Variants in CD36 observed in about 807,000 individuals in gnomAD.
The protein encoded by CD36 is platelet glycoprotein 4.
In CD36, 119 loss-of-function variants were observed where a neutral mutation model predicts 55.2. That is an observed-to-expected ratio of 2.15 (90% CI 1.86 to 2.51). The LOEUF (loss-of-function observed/expected upper bound fraction) is 2.51, where lower values mean the gene tolerates loss of function less well. Among genes scored for constraint, CD36 ranks in the 30% most tolerant of loss-of-function variants. The probability of loss-of-function intolerance (pLI) is 0.00; values close to 1 mark genes in which losing one functional copy is unlikely to be tolerated. For missense variants in CD36, 819 were observed against 555.5 expected (o/e 1.47, Z -4.77); for synonymous variants, 186 against 193.6 (o/e 0.96, Z 0.33).
intron 1 of CD36, among the ~76,000 whole-genome samples, chr7:80,612,405 A>T (rs1212051614): frequency 6.6e-6 from 1 of 152,240 alleles, no homozygotes; most frequent in Non-Finnish European, 1.5e-5. Flanking sequence ...AAATGAAAAA[A>T]TTATGCCTTT....
At chr7:80,649,274 C>A (rs1795417733) in intron 3 of CD36, among the ~76,000 whole-genome samples, 2 of 152,036 alleles carry the variant, frequency 1.3e-5, no homozygotes, top group African/African-American at 4.8e-5. Flanking sequence ...TGTAAGCAAT[C>A]TGTAGGAAGA....
chr7:80,673,668 AT>A, intron 13 of CD36: 1 of 559,874 alleles, frequency 1.8e-6, no homozygotes, highest in Non-Finnish European at 3.2e-6. Flanking sequence ...CTGACAAGGT[AT>A]TTTTACTATA....
chr7:80,615,078 ACAAACTGCAAGCACATTCCCGTTAATC>A (rs1405070111), intron 1 of CD36, among the ~76,000 whole-genome samples: 1 of 152,086 alleles, frequency 6.6e-6, no homozygotes, highest in Non-Finnish European at 1.5e-5. Flanking sequence ...GGCTGCCACT[ACAAACTGCAAGCACATTCCCGTTAATC>A]CAAACTCTGC....
In CD36 at chr7:80,646,800, TG is replaced by T. The variant is rs1226346374; in HGVS notation, c.61del (p.Val21CysfsTer6). ...GGGCTGTCATTGGTGCTGTCCTGGC[TG>T]TGTTTGGAGGTATTCTAATGCCAGT... is the stretch of plus-strand genomic sequence containing the variant. Reference protein sequence around the residue: ...AGAVIGAVLAVFGGILMPVGD... With the variant: ...AGAVIGAVLAXFGGILMPVGD... On this transcript the variant is annotated frameshift_variant, in exon 3 of 15. Transcript: ENST00000447544. LOFTEE classifies it high-confidence loss of function. 4.3e-6 allele frequency: 7 copies of T among 1,614,040 alleles called. No homozygotes were observed. The highest frequency in any genetic ancestry group is 1.7e-5 in the Admixed American group (1 of 60,014).
intron 3 of CD36, among the ~76,000 whole-genome samples, chr7:80,655,131 T>C (rs1251142398): frequency 6.6e-6 from 1 of 152,168 alleles, no homozygotes; most frequent in Non-Finnish European, 1.5e-5. Flanking sequence ...GTTCCTGTGG[T>C]CATTGTTCTC....
intron 9 of CD36, chr7:80,670,244 T>C: frequency 1.8e-6 from 1 of 541,122 alleles, no homozygotes; most frequent in Non-Finnish European, 3.3e-6. Flanking sequence ...ACTAAACTAG[T>C]AGTCTATTAA....
intron 1 of CD36, among the ~76,000 whole-genome samples, chr7:80,632,312 G>A (rs532801699): frequency 6.6e-6 from 1 of 150,618 alleles, no homozygotes; most frequent in African/African-American, 2.4e-5. Context: ...ATTATTTCCT[G>A]TGTTTCTTTT....
chr7:80,669,682 A>C (rs1392921309), intron 8 of CD36, among the ~76,000 whole-genome samples: 1 of 152,032 alleles, frequency 6.6e-6, no homozygotes, highest in Non-Finnish European at 1.5e-5. Context: ...TTTTTAGTAG[A>C]GATGGGGTTT....
chr7:80,630,906 T>C (rs1794040119), intron 1 of CD36, among the ~76,000 whole-genome samples: 1 of 151,990 alleles, frequency 6.6e-6, no homozygotes. Flanking sequence ...AATTGCAGAG[T>C]ATGCCGAAAC....
chr7:80,662,947 TA>T, intron 5 of CD36, 42 bp from the exon 6 acceptor site: 1 of 1,455,346 alleles, frequency 6.9e-7, no homozygotes, highest in Non-Finnish European at 9.6e-7. Flanking sequence ...TGTTAAAATC[TA>T]ATATTGTATT....
intron 1 of CD36, among the ~76,000 whole-genome samples, chr7:80,619,020 G>T (rs13244883): frequency 0.3 from 45,910 of 152,004 alleles, 7,637 homozygotes; most frequent in South Asian, 0.45. Context: ...CAAAGGACAG[G>T]CTGACTCTCT....
chr7:80,654,707 A>G (rs1562799709), intron 3 of CD36, among the ~76,000 whole-genome samples: 1 of 152,180 alleles, frequency 6.6e-6, no homozygotes, highest in East Asian at 1.9e-4. Context: ...AGCAGGTCCA[A>G]TGTACCCCGT....
In CD36 at chr7:80,670,958, CT is replaced by C; in HGVS notation, c.819-13del. 6.3e-7 allele frequency: 1 copy of C among 1,589,198 alleles called. No homozygotes were observed. The highest frequency in any genetic ancestry group is 8.6e-7 in the Non-Finnish European group (1 of 1,158,124). ...AAGTTCAGGTTCCTGGAATGCAGCTCTTTTTTCTCTGTATTTAGGTCAATCT... is the reference window on the plus strand; with the variant it reads ...AAGTTCAGGTTCCTGGAATGCAGCTCTTTTTCTCTGTATTTAGGTCAATCT... On this transcript the variant is annotated intron_variant, in intron 9 of 14. Coordinates refer to ENST00000447544, the MANE Select transcript of CD36 (RefSeq NM_001001548.3).
intron 1 of CD36, among the ~76,000 whole-genome samples, chr7:80,638,993 A>G (rs1794626059): frequency 6.6e-6 from 1 of 152,006 alleles, no homozygotes; most frequent in South Asian, 2.1e-4. Flanking sequence ...TGTCGTATGT[A>G]TAAGTTAATA....
chr7:80,654,665 G>T (rs1043297242), intron 3 of CD36, among the ~76,000 whole-genome samples: 1 of 152,078 alleles, frequency 6.6e-6, no homozygotes, highest in Non-Finnish European at 1.5e-5. Flanking sequence ...AGGACAATTT[G>T]TTGTAAAAAG....
chr7:80,673,172 A>G (rs1797884104), intron 12 of CD36, 183 bp from the exon 13 acceptor site: 1 of 520,162 alleles, frequency 1.9e-6, no homozygotes, highest in Non-Finnish European at 3.4e-6. Context: ...AAAAAAATCA[A>G]TGTGATTAGA....
At chr7:80,657,042 AC>A (rs1796149379) in intron 4 of CD36, among the ~76,000 whole-genome samples, 1 of 152,100 alleles carries the variant, frequency 6.6e-6, no homozygotes, top group Non-Finnish European at 1.5e-5. Flanking sequence ...ATTCTCAACA[AC>A]TCTGAAATAT....
intron 4 of CD36, among the ~76,000 whole-genome samples, chr7:80,659,195 A>G (rs1796329383): frequency 6.6e-6 from 1 of 152,194 alleles, no homozygotes; most frequent in Non-Finnish European, 1.5e-5. Flanking sequence ...GCATGTGTTG[A>G]GCTAAACATG....
chr7:80,605,774 C>T (rs1792510965), intron 1 of CD36, among the ~76,000 whole-genome samples: 2 of 152,228 alleles, frequency 1.3e-5, no homozygotes, highest in African/African-American at 2.4e-5. Flanking sequence ...TCTTGGTCTC[C>T]TGGGAAGACC....
Sources: gnomAD v4.1 joint callset for allele counts (sites outside exome capture counted in the v4.1 genomes callset) on GRCh38, gnomAD v4.1.1 for gene constraint, MANE v1.5 for transcripts, NCBI Gene and HGNC (gene_info 2026-07-23, HGNC 2026-07-21) for gene names.